The following SMAD3 variants were observed in gnomAD, a reference collection of about 807,000 sequenced individuals.
SMAD3 encodes MAD homolog 3.
Under a neutral mutation model 51.8 loss-of-function variants are expected in SMAD3, and 12 were observed. The ratio of observed to expected loss-of-function variants is 0.23; its 90% CI spans 0.15 to 0.38. SMAD3 has a LOEUF of 0.38. Ranked by LOEUF, SMAD3 falls within the 10% of genes least tolerant of loss-of-function variation. The pLI is 1.00. For synonymous variants in SMAD3, 238 were observed against 227.7 expected, an observed-to-expected ratio of 1.05 and a Z score of -0.41; for missense variants, 294 against 565.6, an observed-to-expected ratio of 0.52 and a Z score of 4.87.
At chr15:67,072,507 T>A (rs1291106057) in intron 1 of SMAD3, among the ~76,000 whole-genome samples, 1 of 152,212 alleles carries the variant, frequency 6.6e-6, no homozygotes, top group Non-Finnish European at 1.5e-5. Context: ...TGCCCTTTTC[T>A]CCTTTGCCAT....
At chr15:67,106,907 G>T (rs1163297396) in intron 1 of SMAD3, among the ~76,000 whole-genome samples, 1 of 152,132 alleles carries the variant, frequency 6.6e-6, no homozygotes, top group African/African-American at 2.4e-5. Flanking sequence ...TACCCCAGGG[G>T]ACCCAGAACG....
intron 1 of SMAD3, among the ~76,000 whole-genome samples, chr15:67,102,270 G>T (rs992468087): frequency 1.9e-5 from 2 of 103,876 alleles, no homozygotes; most frequent in Non-Finnish European, 4.9e-5. Context: ...GTGTGTGTGC[G>T]GTGTGTGTGT....
intron 1 of SMAD3, among the ~76,000 whole-genome samples, chr15:67,121,164 G>C (rs1452943003): frequency 6.6e-6 from 1 of 152,238 alleles, no homozygotes; most frequent in Non-Finnish European, 1.5e-5. Flanking sequence ...CCCTGTCCTG[G>C]CTGAGGGGTG....
At chr15:67,153,888 CCTT>C (rs905233440) in intron 1 of SMAD3, among the ~76,000 whole-genome samples, 9 of 152,228 alleles carry the variant, frequency 5.9e-5, no homozygotes, top group African/African-American at 2.2e-4. Flanking sequence ...CAGTAACCAA[CCTT>C]CTTCTTTTCC....
rs1210802040 is a variant in SMAD3 at position 67,191,865 on chromosome 15, G to C, written c.*1329G>C. On this transcript the variant is annotated 3_prime_UTR_variant, in exon 9 of 9. Transcript: ENST00000327367. ...TAGAGGATCACCGGTGACAACTATA[G>C]CAGTTGTATTGTGTAACAAGTACTG... The C allele has an allele frequency of 4.4e-6, 1 of 229,200 alleles. No homozygotes were observed. Among genetic ancestry groups the C allele is most frequent in the Non-Finnish European group, 8.7e-6 (1 of 115,424 alleles). 14.2% of individuals were successfully genotyped at this position (229,200 alleles called of 1,614,324 possible).
rs140269717 is a variant in SMAD3, at chr15:67,067,977, G to A, written c.206+1617G>A. 3.0e-3 allele frequency among the ~76,000 whole-genome samples: 458 copies of A among 152,196 alleles called. 3 individuals are homozygous for A. Among genetic ancestry groups the A allele is most frequent in the African/African-American group, 0.011 (445 of 41,510 alleles). On this transcript the variant is annotated intron_variant, in intron 1 of 8. Transcript: ENST00000327367. ...AAACCTACCTTCTCCTTATCTGCCT[G>A]GGTGCATTGAAGACAAGTGCTTTAT...
At chr15:67,109,571 G>A (rs1009372700) in intron 1 of SMAD3, among the ~76,000 whole-genome samples, 3 of 152,114 alleles carry the variant, frequency 2.0e-5, no homozygotes, top group African/African-American at 7.2e-5. Context: ...TTTCTCAGTA[G>A]CAATGAGAAA....
In SMAD3 at chr15:67,114,653, G is replaced by A. The variant is rs145639633; in HGVS notation, c.206+48293G>A. Among the ~76,000 whole-genome samples, 728 of 152,246 alleles carry A rather than the reference G, an allele frequency of 4.8e-3. 5 individuals carry two copies. The highest frequency in any genetic ancestry group is 0.017 in the African/African-American group (686 of 41,522). On this transcript the variant is annotated intron_variant, in intron 1 of 8. Coordinates refer to ENST00000327367, the MANE Select transcript of SMAD3 (RefSeq NM_005902.4). Reference sequence around the variant, plus strand: ...CTAAGTCATATGGTGAGTGGGTTGCGAAGACCTGACTCCAACCCAGAGAAT... The same window carrying A: ...CTAAGTCATATGGTGAGTGGGTTGCAAAGACCTGACTCCAACCCAGAGAAT...
At chr15:67,066,577 G>T (rs765214935) in intron 1 of SMAD3, among the ~76,000 whole-genome samples, 1 of 152,252 alleles carries the variant, frequency 6.6e-6, no homozygotes, top group African/African-American at 2.4e-5. Flanking sequence ...AGAGCCCGAG[G>T]CTTCCACGCG....
chr15:67,098,872 G>C (rs1222632415), intron 1 of SMAD3: 1 of 701,910 alleles, frequency 1.4e-6, no homozygotes, highest in Admixed American at 2.0e-5. Flanking sequence ...GGGCATACAT[G>C]GATGGGAGGG....
chr15:67,100,856 C>A (rs947569869), intron 1 of SMAD3, among the ~76,000 whole-genome samples: 5 of 152,162 alleles, frequency 3.3e-5, no homozygotes, highest in Non-Finnish European at 5.9e-5. Flanking sequence ...CACAGAGCAG[C>A]GTACCAGAGT....
At chr15:67,115,195 G>T (rs997399329) in intron 1 of SMAD3, among the ~76,000 whole-genome samples, 2 of 152,156 alleles carry the variant, frequency 1.3e-5, no homozygotes, top group African/African-American at 4.8e-5. Flanking sequence ...CATGCCATGA[G>T]CACTTCCAGG....
intron 1 of SMAD3, among the ~76,000 whole-genome samples, chr15:67,087,904 T>A (rs1369236981): frequency 6.6e-6 from 1 of 152,150 alleles, no homozygotes; most frequent in African/African-American, 2.4e-5. Flanking sequence ...GCTTTGAAAT[T>A]GTTTTTGCTG....
At chr15:67,128,076 T>G (rs1961435224) in intron 1 of SMAD3, 1 of 152,214 alleles carries the variant, frequency 6.6e-6, no homozygotes, top group Non-Finnish European at 1.5e-5. Context: ...CTCACCCCTT[T>G]TAAAATGTGA....
chr15:67,066,508 C>T (rs551489836), intron 1 of SMAD3, 148 bp downstream of exon 1: 12 of 685,910 alleles, frequency 1.7e-5, no homozygotes, highest in Non-Finnish European at 2.7e-5. Context: ...AGTGGGAGAG[C>T]GCGGGCAGGA....
chr15:67,084,598 A>G (rs1407335084), intron 1 of SMAD3, among the ~76,000 whole-genome samples: 1 of 152,172 alleles, frequency 6.6e-6, no homozygotes, highest in Non-Finnish European at 1.5e-5. Context: ...TGGTGGTGCC[A>G]TCAGACACAG....
chr15:67,183,563 G>A (rs766469438), intron 6 of SMAD3, among the ~76,000 whole-genome samples: 1 of 152,088 alleles, frequency 6.6e-6, no homozygotes, highest in African/African-American at 2.4e-5. Context: ...GGCAGGACAG[G>A]GGACATCCAG....
At chr15:67,137,575 T>C (rs1961698117) in intron 1 of SMAD3, among the ~76,000 whole-genome samples, 1 of 152,222 alleles carries the variant, frequency 6.6e-6, no homozygotes, top group Admixed American at 6.5e-5. Context: ...GCAGTTTTAG[T>C]TGCTTTCAGT....
At position 67,122,836 on chromosome 15, in the gene SMAD3, A is replaced by G. The variant is rs1186722272; in HGVS notation, c.207-42059A>G. 2.0e-5 allele frequency among the ~76,000 whole-genome samples: 3 copies of G among 152,288 alleles called. No homozygotes were observed. The East Asian group carries it at 5.8e-4, about 29-fold the overall frequency. ...CTTCAGACAAGGACTTAAACATTCTAAGTCCTCAGTTTCTTCATCTGTAAA... is the reference window on the plus strand; with the variant it reads ...CTTCAGACAAGGACTTAAACATTCTGAGTCCTCAGTTTCTTCATCTGTAAA... On this transcript the variant is annotated intron_variant, in intron 1 of 8. Transcript: ENST00000327367.
Sources: gnomAD v4.1 joint callset for allele counts (sites outside exome capture counted in the v4.1 genomes callset) on GRCh38, gnomAD v4.1.1 for gene constraint, MANE v1.5 for transcripts, NCBI Gene and HGNC (gene_info 2026-07-23, HGNC 2026-07-21) for gene names.